Variants in TDRKH observed in about 807,000 individuals in gnomAD.
The protein encoded by TDRKH is tudor and KH domain containing, also known as tudor and KH domain-containing protein.
TDRKH carries 28 observed loss-of-function variants against 61.3 expected under a neutral mutation model. That is an observed-to-expected ratio of 0.46 (90% CI 0.34 to 0.63). TDRKH has a LOEUF of 0.63. Ranked by LOEUF, TDRKH falls within the 20% of genes least tolerant of loss-of-function variation. The probability of loss-of-function intolerance (pLI) is 0.01; values close to 1 mark genes in which losing one functional copy is unlikely to be tolerated. For synonymous variants in TDRKH, 219 were observed against 244.4 expected (o/e 0.90, Z 0.97); for missense variants, 540 against 683.4 (o/e 0.79, Z 2.34).
downstream of TDRKH, chr1:151,771,132 C>G (rs761655323): frequency 5.6e-6 from 9 of 1,613,226 alleles, no homozygotes; most frequent in Admixed American, 3.3e-5. Context: ...GACCAGATCA[C>G]CCTGCCCTCC....
chr1:151,785,948 T>A (rs1363791674), intron 1 of TDRKH, among the ~76,000 whole-genome samples: 1 of 152,228 alleles, frequency 6.6e-6, no homozygotes, highest in East Asian at 1.9e-4. Context: ...AAATAAGATT[T>A]GCTTAAAAAT....
At chr1:151,770,415 C>A, downstream of TDRKH, 1 of 1,124,694 alleles carries the variant, frequency 8.9e-7, no homozygotes, top group Non-Finnish European at 1.2e-6. Flanking sequence ...GAAGTTGTAA[C>A]TTGTTCCATC....
intron 1 of TDRKH, among the ~76,000 whole-genome samples, chr1:151,785,424 C>T (rs1190899507): frequency 6.6e-6 from 1 of 152,196 alleles, no homozygotes; most frequent in African/African-American, 2.4e-5. Flanking sequence ...TACGTTCCTG[C>T]CTTTGCCATT....
downstream of TDRKH, chr1:151,770,158 T>C (rs369532499): frequency 2.5e-5 from 41 of 1,613,480 alleles, no homozygotes; most frequent in African/African-American, 4.3e-4. Flanking sequence ...TAACTGTTTT[T>C]CTGTGGCTCC....
intron 3 of TDRKH, among the ~76,000 whole-genome samples, chr1:151,781,119 C>T (rs1649718266): frequency 6.6e-6 from 1 of 151,176 alleles, no homozygotes; most frequent in South Asian, 2.1e-4. Context: ...AGTTCGAGAT[C>T]AGCCTGGCCA....
In TDRKH at chr1:151,773,917, T is replaced by C. The variant is rs1246111286; in HGVS notation, c.*535A>G. ...ACTTCCAATGACGAAAGCCTGACTGTTTCCCAGCCTCAAAAAGGATACAGC... is the reference window on the plus strand; with the variant it reads ...ACTTCCAATGACGAAAGCCTGACTGCTTCCCAGCCTCAAAAAGGATACAGC... On this transcript the variant is annotated 3_prime_UTR_variant, in exon 13 of 13. Transcript: ENST00000368824. The C allele has an allele frequency of 6.6e-6, 1 of 152,344 alleles. No individual in the cohort carries two copies. The highest frequency in any genetic ancestry group is 6.5e-5 in the Admixed American group (1 of 15,278). 9.4% of individuals were successfully genotyped at this position (152,344 alleles called of 1,614,324 possible). A position where few individuals can be genotyped will look rare whatever the true frequency, so the allele number is the denominator to read the frequency against.
chr1:151,778,612 C>T, intron 6 of TDRKH, 73 bp downstream of exon 6: 2 of 1,600,320 alleles, frequency 1.2e-6, no homozygotes, highest in Non-Finnish European at 1.7e-6. Context: ...GAAGGCATTC[C>T]TTCTAATCTC....
chr1:151,777,324 T>C (rs1030045816), intron 6 of TDRKH, among the ~76,000 whole-genome samples: 1 of 152,062 alleles, frequency 6.6e-6, no homozygotes, highest in Admixed American at 6.6e-5. Context: ...TGTGCACCTG[T>C]GGTCTCATCT....
chr1:151,781,328 A>AAAATATATATATATATATATATATATAT (rs1491536697), intron 3 of TDRKH, among the ~76,000 whole-genome samples, 153 bp downstream of exon 3: 129 of 68,432 alleles, frequency 1.9e-3, no homozygotes, highest in Non-Finnish European at 3.4e-3. Context: ...AAAAAAAAAA[A>AAAATATATATATATATATATATATATAT]ATATATATAT....
chr1:151,768,802 A>G (rs1412786425), downstream of TDRKH, among the ~76,000 whole-genome samples: 1 of 152,184 alleles, frequency 6.6e-6, no homozygotes, highest in Non-Finnish European at 1.5e-5. Context: ...TCCTAGGCAG[A>G]GGACCCTGCG....
intron 4 of TDRKH, 142 bp from the exon 5 acceptor site, chr1:151,779,384 A>G: frequency 8.8e-7 from 1 of 1,142,372 alleles, no homozygotes; most frequent in Admixed American, 3.2e-5. Flanking sequence ...TTGAATGGAA[A>G]TCAGGAGCTA....
At chr1:151,768,306 A>C (rs183330410), downstream of TDRKH, 57 of 1,537,286 alleles carry the variant, frequency 3.7e-5, no homozygotes, top group African/African-American at 5.2e-4. Context: ...GTCATAGTAC[A>C]TAAGGCTAAT....
At chr1:151,771,924 G>C (rs1648727830), downstream of TDRKH, 3 of 398,380 alleles carry the variant, frequency 7.5e-6, no homozygotes, top group East Asian at 1.1e-4. Context: ...GGTTCCCTAC[G>C]GAACTCTGGT....
At position 151,780,073 on chromosome 1, in the gene TDRKH, A is replaced by G. The variant is rs1649602231; in HGVS notation, c.299T>C (p.Leu100Pro). Reference protein sequence around the residue: ...TEDVGDERVLLISGFPVQVCK... With the variant: ...TEDVGDERVLPISGFPVQVCK... ...CACCTGAACAGGAAAACCACTGATA[A>G]GCAGCACTCGCTCATCGCCTACATC... is the stretch of plus-strand genomic sequence containing the variant. Residue 100 changes from leucine to proline, a missense_variant, in exon 4 of 13, where the codon CTT becomes CCT. By Grantham distance (98) the Leu-to-Pro change is moderately conservative (BLOSUM62 -3). Around this residue, in one of 3 missense-constraint regions of TDRKH, gnomAD observed 156 missense variants for 218.0 expected, o/e 0.72. Coordinates refer to ENST00000368824, the MANE Select transcript of TDRKH (RefSeq NM_001083965.2). The G allele has an allele frequency of 6.2e-7, 1 of 1,614,072 alleles. No individual in the cohort carries two copies. Among genetic ancestry groups the G allele is most frequent in the Admixed American group, 1.7e-5 (1 of 60,002 alleles).
intron 9 of TDRKH, 116 bp from the exon 10 acceptor site, chr1:151,775,659 G>C: frequency 6.6e-7 from 1 of 1,506,610 alleles, no homozygotes; most frequent in Non-Finnish European, 8.9e-7. Flanking sequence ...GGTTGGGTTG[G>C]GTCTGCCAGG....
downstream of TDRKH, among the ~76,000 whole-genome samples, chr1:151,772,495 A>T (rs912763296): frequency 5.9e-5 from 9 of 151,966 alleles, no homozygotes; most frequent in Non-Finnish European, 7.4e-5. Context: ...CCCTAAATTT[A>T]AAAAAAAGAC....
downstream of TDRKH, chr1:151,771,945 C>T (rs1293729005): frequency 5.0e-6 from 2 of 398,596 alleles, no homozygotes; most frequent in Admixed American, 8.8e-5. Flanking sequence ...AGCACCAGTT[C>T]CAGGGCTGAG....
chr1:151,788,726 AATCAC>A, intron 1 of TDRKH, among the ~76,000 whole-genome samples: 1 of 152,298 alleles, frequency 6.6e-6, no homozygotes, highest in East Asian at 1.9e-4. Flanking sequence ...GGCCAGTCAT[AATCAC>A]ACCTCTTTAC....
chr1:151,777,765 T>C (rs2101590377), intron 6 of TDRKH, among the ~76,000 whole-genome samples: 1 of 146,772 alleles, frequency 6.8e-6, no homozygotes, highest in East Asian at 2.0e-4. Flanking sequence ...TCACCCAGGC[T>C]GGAGTGCAAC....
Sources: gnomAD v4.1 joint callset for allele counts (sites outside exome capture counted in the v4.1 genomes callset) on GRCh38, gnomAD v4.1.1 for gene constraint, gnomAD v4.1.1 regional missense constraint, MANE v1.5 for transcripts, NCBI Gene and HGNC (gene_info 2026-07-23, HGNC 2026-07-21) for gene names.